The following GRM5 variants were observed in gnomAD, a reference collection of about 807,000 sequenced individuals.
GRM5 encodes metabotropic glutamate receptor 5.
In GRM5, 19 loss-of-function variants were observed where a neutral mutation model predicts 83.1. That is an observed-to-expected ratio of 0.23 (90% CI 0.16 to 0.34). GRM5 has a LOEUF of 0.34. Ranked by LOEUF, GRM5 falls within the 10% of genes least tolerant of loss-of-function variation. GRM5 has a pLI of 1.00. For missense variants in GRM5, 1,160 were observed against 1,588.3 expected, an observed-to-expected ratio of 0.73 and a Z score of 4.58; for synonymous variants, 675 against 633.6, an observed-to-expected ratio of 1.07 and a Z score of -0.98.
At chr11:88,691,636 T>C (rs1458697359) in intron 3 of GRM5, among the ~76,000 whole-genome samples, 1 of 152,174 alleles carries the variant, frequency 6.6e-6, no homozygotes, top group East Asian at 1.9e-4. Context: ...TACTTTCATT[T>C]TGTATTTTCT....
At chr11:88,634,819 G>T (rs1483681981) in intron 4 of GRM5, among the ~76,000 whole-genome samples, 1 of 151,998 alleles carries the variant, frequency 6.6e-6, no homozygotes, top group African/African-American at 2.4e-5. Flanking sequence ...TCATGCAATT[G>T]GCAGTGCACA....
At chr11:89,001,967 A>G (rs1459145168) in intron 2 of GRM5, among the ~76,000 whole-genome samples, 2 of 152,152 alleles carry the variant, frequency 1.3e-5, no homozygotes, top group African/African-American at 2.4e-5. Context: ...ATTTTTACTT[A>G]TACTAAAACA....
chr11:88,965,190 C>A (rs954924889), intron 2 of GRM5, among the ~76,000 whole-genome samples: 1 of 152,132 alleles, frequency 6.6e-6, no homozygotes, highest in African/African-American at 2.4e-5. Flanking sequence ...ATACCTTAGA[C>A]AGGGTGGCTT....
At chr11:88,697,232 C>T (rs1273832728) in intron 3 of GRM5, among the ~76,000 whole-genome samples, 1 of 152,172 alleles carries the variant, frequency 6.6e-6, no homozygotes, top group East Asian at 1.9e-4. Flanking sequence ...CCCCTAAGGT[C>T]ACACAAAGCC....
At chr11:88,850,931 A>G (rs1192822730) in intron 2 of GRM5, among the ~76,000 whole-genome samples, 1 of 152,142 alleles carries the variant, frequency 6.6e-6, no homozygotes, top group Admixed American at 6.6e-5. Context: ...GGACCTTTAT[A>G]TATGTGATCT....
chr11:88,678,733 C>T (rs756440221), intron 3 of GRM5, among the ~76,000 whole-genome samples: 1 of 152,064 alleles, frequency 6.6e-6, no homozygotes, highest in Non-Finnish European at 1.5e-5. Context: ...CTGATTTTAT[C>T]TACTCTGAGG....
At chr11:88,538,870 G>T (rs1942197998) in intron 8 of GRM5, among the ~76,000 whole-genome samples, 2 of 152,218 alleles carry the variant, frequency 1.3e-5, no homozygotes, top group Non-Finnish European at 2.9e-5. Flanking sequence ...GAGGTAAATT[G>T]CTTCTCACTA....
chr11:89,053,491 G>A (rs1941803352), intron 1 of GRM5, among the ~76,000 whole-genome samples: 1 of 152,148 alleles, frequency 6.6e-6, no homozygotes, highest in Non-Finnish European at 1.5e-5. Context: ...AAATCTATCA[G>A]CATCACTCAT....
At position 89,013,953 on chromosome 11, in the gene GRM5, G is replaced by A. The variant is rs200199851; in HGVS notation, c.661+33259C>T. Among the ~76,000 whole-genome samples, 37 of 152,220 alleles carry A rather than the reference G, an allele frequency of 2.4e-4. 1 individual carries two copies. The highest frequency in any genetic ancestry group is 7.2e-4 in the African/African-American group (30 of 41,552). On this transcript the variant is annotated intron_variant, in intron 2 of 9. Coordinates refer to ENST00000305447, the MANE Select transcript of GRM5 (RefSeq NM_001143831.3). ...TCCCACTTCTTACAAAGTACATTAC[G>A]TTTGAAAAGTATGGAAAGACTTGAA...
chr11:88,596,780 C>A (rs984512846), intron 6 of GRM5, among the ~76,000 whole-genome samples: 17 of 152,112 alleles, frequency 1.1e-4, no homozygotes, highest in Admixed American at 2.0e-4. Flanking sequence ...TATTTTCTCA[C>A]ATAGACTGTA....
At chr11:88,943,647 T>C (rs187626760) in intron 2 of GRM5, among the ~76,000 whole-genome samples, 96 of 152,160 alleles carry the variant, frequency 6.3e-4, no homozygotes, top group African/African-American at 2.2e-3. Flanking sequence ...CTTTACCCTT[T>C]CCTTCCCACC....
intron 2 of GRM5, among the ~76,000 whole-genome samples, chr11:88,895,724 T>C (rs554596868): frequency 6.6e-6 from 1 of 152,068 alleles, no homozygotes; most frequent in Non-Finnish European, 1.5e-5. Context: ...TGAACTATTT[T>C]AAATTGGTTT....
At chr11:88,636,558 G>C (rs990310151) in intron 4 of GRM5, among the ~76,000 whole-genome samples, 2 of 151,994 alleles carry the variant, frequency 1.3e-5, no homozygotes, top group East Asian at 3.9e-4. Flanking sequence ...TTTTTAGTTT[G>C]TGAGTCATTT....
chr11:88,878,582 T>C (rs1225269053), intron 2 of GRM5, among the ~76,000 whole-genome samples: 3 of 152,132 alleles, frequency 2.0e-5, no homozygotes, highest in South Asian at 2.1e-4. Context: ...CACAAGGCAA[T>C]AGGCCCTGCA....
chr11:88,605,050 A>T (rs1938104389), intron 4 of GRM5, 86 bp from the exon 5 acceptor site: 1 of 1,090,590 alleles, frequency 9.2e-7, no homozygotes, highest in Admixed American at 1.9e-5. Flanking sequence ...GTTACCTGTA[A>T]TTAGAGAATG....
chr11:88,848,296 C>T (rs1944331976), intron 3 of GRM5, among the ~76,000 whole-genome samples: 1 of 152,148 alleles, frequency 6.6e-6, no homozygotes. Context: ...TGTGTGGCCT[C>T]ATACCAAAAT....
chr11:88,611,199 G>C (rs1306799063), intron 4 of GRM5, among the ~76,000 whole-genome samples: 1 of 152,116 alleles, frequency 6.6e-6, no homozygotes. Context: ...GTCTCTGCCA[G>C]GCTTTGATAT....
At chr11:88,699,016 C>CTAT (rs1258542451) in intron 3 of GRM5, among the ~76,000 whole-genome samples, 1 of 152,104 alleles carries the variant, frequency 6.6e-6, no homozygotes, top group Non-Finnish European at 1.5e-5. Context: ...AGGACTATTG[C>CTAT]TATTTCAAGG....
At chr11:89,017,271 G>T (rs16912869) in intron 2 of GRM5, among the ~76,000 whole-genome samples, 4,997 of 152,206 alleles carry the variant, frequency 0.033, 255 homozygotes, top group African/African-American at 0.11. Context: ...AATGCTCAAT[G>T]AATAGAAGAT....
Sources: gnomAD v4.1 joint callset for allele counts (sites outside exome capture counted in the v4.1 genomes callset) on GRCh38, gnomAD v4.1.1 for gene constraint, MANE v1.5 for transcripts, NCBI Gene and HGNC (gene_info 2026-07-23, HGNC 2026-07-21) for gene names.